ANK3: variants seen among roughly 807,000 people sequenced by gnomAD.
ANK3 encodes ankyrin-3.
In ANK3, 57 loss-of-function variants were observed where a neutral mutation model predicts 370.9. That is an observed-to-expected ratio of 0.15 (90% CI 0.12 to 0.19). The LOEUF is 0.19. Ranked by LOEUF, ANK3 falls within the 10% of genes least tolerant of loss-of-function variation. ANK3 has a pLI of 1.00. For synonymous variants in ANK3, 1,929 were observed against 1,946.3 expected, an observed-to-expected ratio of 0.99 and a Z score of 0.23; for missense variants, 4,439 against 5,302.1, an observed-to-expected ratio of 0.84 and a Z score of 5.06.
intron 1 of ANK3, among the ~76,000 whole-genome samples, chr10:60,685,475 A>G (rs1264808818): frequency 1.3e-5 from 2 of 152,204 alleles, no homozygotes; most frequent in East Asian, 1.9e-4. Flanking sequence ...CTGGACTAAG[A>G]ATGTGTTTTA....
chr10:60,075,610 A>G lies in ANK3; in HGVS notation c.5271T>C (p.Ser1757=). The change falls in exon 37 of 44, where the codon AGT becomes AGC. Residue 1757 remains serine, a synonymous_variant. Transcript: ENST00000280772. ...CTTTCTCAACTGTGTCAGTGGCTGC[A>G]CTGACCACAGAGCTCACAGAGTTTG... ...SATNSVSSVV[S]AATDTVEKVF... 1 of 1,614,144 alleles carries G rather than the reference A, an allele frequency of 6.2e-7. No individual in the cohort carries two copies. The highest frequency in any genetic ancestry group is 8.5e-7 in the Non-Finnish European group (1 of 1,180,018).
chr10:60,643,506 A>ACC (rs2078664771), intron 1 of ANK3, among the ~76,000 whole-genome samples: 1 of 59,584 alleles, frequency 1.7e-5, no homozygotes, highest in Non-Finnish European at 3.7e-5. Context: ...CTTTATATCT[A>ACC]TCTATCTATC....
chr10:60,546,148 A>G (rs954556864), intron 2 of ANK3, among the ~76,000 whole-genome samples: 10 of 152,074 alleles, frequency 6.6e-5, no homozygotes, highest in African/African-American at 1.9e-4. Context: ...CAATCCTCCC[A>G]CTTCAGCCTC....
intron 23 of ANK3, among the ~76,000 whole-genome samples, chr10:60,151,711 A>G (rs2095126324): frequency 6.6e-6 from 1 of 152,238 alleles, no homozygotes; most frequent in Non-Finnish European, 1.5e-5. Context: ...ATTCCTTCAT[A>G]TGAATGCAAA....
chr10:60,568,132 G>A (rs1451521832), intron 2 of ANK3, among the ~76,000 whole-genome samples: 2 of 152,176 alleles, frequency 1.3e-5, no homozygotes, highest in Non-Finnish European at 2.9e-5. Flanking sequence ...GTGATGTTGA[G>A]ATTGACTTCA....
intron 4 of ANK3, among the ~76,000 whole-genome samples, 164 bp downstream of exon 4, chr10:60,278,610 A>G (rs1271029992): frequency 6.6e-6 from 1 of 152,142 alleles, no homozygotes; most frequent in Non-Finnish European, 1.5e-5. Flanking sequence ...GCCTCAAGTG[A>G]TCTGCCCGCC....
chr10:60,194,585 C>T (rs2096553995), intron 16 of ANK3, among the ~76,000 whole-genome samples: 1 of 152,174 alleles, frequency 6.6e-6, no homozygotes, highest in South Asian at 2.1e-4. Context: ...GTCAGAATTT[C>T]CTTCCTTTTA....
In ANK3 at chr10:60,364,315, G is replaced by A. The variant is rs1009217324; in HGVS notation, c.114+25110C>T. On this transcript the variant is annotated intron_variant, in intron 1 of 43. Coordinates refer to ENST00000280772, the MANE Select transcript of ANK3 (RefSeq NM_020987.5). ...TCTCAAAAAAAAAAAAAGAGAAAAT[G>A]ATTAAGGCTGCTCAAGTGATCTAGA... is the stretch of plus-strand genomic sequence containing the variant. Among the ~76,000 whole-genome samples, 3 of 150,128 alleles carry A rather than the reference G, an allele frequency of 2.0e-5. No individual in the cohort carries two copies. In the Middle Eastern group the frequency reaches 9.7e-3, roughly 484 times the overall value.
intron 35 of ANK3, 29 bp downstream of exon 35, chr10:60,082,121 T>C (rs372090685): frequency 1.1e-5 from 17 of 1,586,628 alleles, no homozygotes; most frequent in African/African-American, 4.0e-5. Flanking sequence ...CTACTTCTGA[T>C]AGAATAAAAG....
At chr10:60,093,131 T>C (rs1169652642) in intron 28 of ANK3, among the ~76,000 whole-genome samples, 1 of 152,242 alleles carries the variant, frequency 6.6e-6, no homozygotes, top group African/African-American at 2.4e-5. Context: ...ACCTATTCAA[T>C]GTAACTGAAA....
intron 1 of ANK3, among the ~76,000 whole-genome samples, chr10:60,627,423 TA>T (rs66643006): frequency 0.27 from 40,654 of 150,650 alleles, 6,571 homozygotes; most frequent in South Asian, 0.5. Context: ...AAAATAAAAA[TA>T]AAAAAAAGGC....
chr10:60,421,302 C>T (rs1382677082), intron 2 of ANK3, among the ~76,000 whole-genome samples: 2 of 151,816 alleles, frequency 1.3e-5, no homozygotes, highest in African/African-American at 4.8e-5. Flanking sequence ...GAATTGTGTA[C>T]TTAAAAATAG....
At chr10:60,599,424 A>G (rs2078030748) in intron 2 of ANK3, among the ~76,000 whole-genome samples, 1 of 152,214 alleles carries the variant, frequency 6.6e-6, no homozygotes, top group South Asian at 2.1e-4. Flanking sequence ...AAAAATATAA[A>G]GTCAAATACT....
At chr10:60,650,914 A>G (rs1162961540) in intron 1 of ANK3, among the ~76,000 whole-genome samples, 1 of 133,924 alleles carries the variant, frequency 7.5e-6, no homozygotes, top group Non-Finnish European at 1.6e-5. Flanking sequence ...TGAGTCCTCC[A>G]TTCCTACAAA....
chr10:60,657,674 A>G (rs78782289), intron 1 of ANK3, among the ~76,000 whole-genome samples: 6,533 of 152,216 alleles, frequency 0.043, 179 homozygotes, highest in Middle Eastern at 0.075. Flanking sequence ...ATATGCACTC[A>G]AAAATAAGGA....
chr10:60,466,281 G>A (rs762556947), intron 2 of ANK3, among the ~76,000 whole-genome samples: 4 of 152,056 alleles, frequency 2.6e-5, no homozygotes, highest in African/African-American at 4.8e-5. Flanking sequence ...GAGTCCTGTG[G>A]CTCAAGATTT....
At chr10:60,309,346 C>T (rs2045859023) in intron 1 of ANK3, among the ~76,000 whole-genome samples, 1 of 152,176 alleles carries the variant, frequency 6.6e-6, no homozygotes, top group Admixed American at 6.5e-5. Flanking sequence ...GCATGCAAAA[C>T]TCACAATTGA....
At chr10:60,107,542 A>G (rs1443886827) in intron 27 of ANK3, among the ~76,000 whole-genome samples, 1 of 152,254 alleles carries the variant, frequency 6.6e-6, no homozygotes, top group Non-Finnish European at 1.5e-5. Flanking sequence ...TGAACAAACA[A>G]CAAATACCAA....
intron 27 of ANK3, chr10:60,108,042 C>T (rs1255414160): frequency 4.4e-6 from 1 of 226,300 alleles, no homozygotes; most frequent in Non-Finnish European, 9.0e-6. Flanking sequence ...CTTTCAGTGA[C>T]ACACATCAAC....
Sources: gnomAD v4.1 joint callset for allele counts (sites outside exome capture counted in the v4.1 genomes callset) on GRCh38, gnomAD v4.1.1 for gene constraint, MANE v1.5 for transcripts, NCBI Gene and HGNC (gene_info 2026-07-23, HGNC 2026-07-21) for gene names.